Variants in OSBPL9 observed in about 807,000 individuals in gnomAD.
OSBPL9 encodes the protein oxysterol binding protein like 9.
In OSBPL9, 40 loss-of-function variants were observed where a neutral mutation model predicts 106.6. The ratio of observed to expected loss-of-function variants is 0.38; its 90% CI spans 0.29 to 0.49. The LOEUF is 0.49. OSBPL9 is among the 20% of genes least tolerant of loss of function. OSBPL9 has a pLI of 0.97. For missense variants in OSBPL9, 609 were observed against 887.2 expected, an observed-to-expected ratio of 0.69 and a Z score of 3.98; for synonymous variants, 269 against 295.4, an observed-to-expected ratio of 0.91 and a Z score of 0.92.
At chr1:51,734,262 G>A (rs563664572) in intron 4 of OSBPL9, among the ~76,000 whole-genome samples, 1 of 152,202 alleles carries the variant, frequency 6.6e-6, no homozygotes, top group East Asian at 1.9e-4. Context: ...TGAACAACTC[G>A]TTTTTCCCAA....
At chr1:51,759,592 C>T (rs1333507412) in intron 9 of OSBPL9, 2 of 152,136 alleles carry the variant, frequency 1.3e-5, no homozygotes, top group East Asian at 1.9e-4. Context: ...AAAGAACTTA[C>T]ATTTTTATTT....
At chr1:51,680,638 G>A (rs1165213698) in intron 3 of OSBPL9, among the ~76,000 whole-genome samples, 1 of 151,908 alleles carries the variant, frequency 6.6e-6, no homozygotes, top group African/African-American at 2.4e-5. Flanking sequence ...TCCAGCCTGG[G>A]TGACAGAGTG....
the OSBPL9 span, among the ~76,000 whole-genome samples, chr1:51,539,083 A>G: frequency 1.3e-5 from 2 of 152,142 alleles, no homozygotes; most frequent in South Asian, 2.1e-4. Flanking sequence ...ATGACTTCCA[A>G]ATTTACATCT....
rs58221259 is a variant in OSBPL9, at chr1:51,617,996, T to TTGTG, written c.111+800_111+803dup. ...ATGAATTGCTGTGAATCTTACGTGG[T>TTGTG]TGTGTGTGTGTGTGTGTGTGTGTGT... is the stretch of plus-strand genomic sequence containing the variant. On this transcript the variant is annotated intron_variant, in intron 1 of 23. Coordinates refer to ENST00000428468, the MANE Select transcript of OSBPL9 (RefSeq NM_024586.6). 7.8e-3 allele frequency among the ~76,000 whole-genome samples: 1,136 copies of TTGTG among 145,748 alleles called. 12 individuals are homozygous for TTGTG. The highest frequency in any genetic ancestry group is 0.018 in the African/African-American group (719 of 39,432).
chr1:51,681,139 T>A (rs1206864045), intron 3 of OSBPL9, among the ~76,000 whole-genome samples: 1 of 152,222 alleles, frequency 6.6e-6, no homozygotes, highest in Non-Finnish European at 1.5e-5. Context: ...TAATGTTTTT[T>A]CAGTTTGGAA....
chr1:51,687,553 G>T (rs1005305757), intron 3 of OSBPL9, among the ~76,000 whole-genome samples: 16 of 152,166 alleles, frequency 1.1e-4, no homozygotes, highest in Non-Finnish European at 1.8e-4. Context: ...GTGGAGATTG[G>T]CAAGGCTGGA....
intron 11 of OSBPL9, among the ~76,000 whole-genome samples, chr1:51,763,046 C>T (rs998539088): frequency 1.3e-5 from 2 of 152,144 alleles, no homozygotes; most frequent in Admixed American, 6.5e-5. Flanking sequence ...CACTCTGTTG[C>T]CCAGGCTGGA....
chr1:51,535,387 C>G, the OSBPL9 span, among the ~76,000 whole-genome samples: 1 of 152,078 alleles, frequency 6.6e-6, no homozygotes, highest in Admixed American at 6.5e-5. Context: ...CACCTTGGTT[C>G]TCTGATCAGT....
intron 3 of OSBPL9, among the ~76,000 whole-genome samples, chr1:51,700,861 CT>C (rs1194185325): frequency 6.6e-6 from 1 of 152,074 alleles, no homozygotes; most frequent in Non-Finnish European, 1.5e-5. Flanking sequence ...ATTAGTGGAT[CT>C]TGCCTGATGT....
intron 3 of OSBPL9, among the ~76,000 whole-genome samples, chr1:51,713,393 G>A (rs184856071): frequency 2.6e-5 from 4 of 151,908 alleles, no homozygotes; most frequent in South Asian, 4.1e-4. Flanking sequence ...CAGGTGATCC[G>A]CCCGCCTCAG....
the OSBPL9 span, among the ~76,000 whole-genome samples, chr1:51,546,661 C>T: frequency 6.6e-6 from 1 of 150,872 alleles, no homozygotes; most frequent in East Asian, 1.9e-4. Flanking sequence ...CGTGCCACTG[C>T]ACTCCAGCCT....
At chr1:51,592,446 G>T (rs1184421992) in intron 1 of OSBPL9, among the ~76,000 whole-genome samples, 2 of 152,130 alleles carry the variant, frequency 1.3e-5, no homozygotes, top group East Asian at 3.9e-4. Context: ...AAGATTTCTT[G>T]TAATAACAAT....
chr1:51,756,987 A>C (rs1670478640), intron 9 of OSBPL9: 1 of 152,198 alleles, frequency 6.6e-6, no homozygotes, highest in African/African-American at 2.4e-5. Flanking sequence ...GAAATAAAAG[A>C]GTTTGAAGGT....
intron 15 of OSBPL9, among the ~76,000 whole-genome samples, chr1:51,777,935 T>C (rs1675442082): frequency 6.6e-6 from 1 of 152,066 alleles, no homozygotes; most frequent in Non-Finnish European, 1.5e-5. Flanking sequence ...GAAGGATTGC[T>C]TGAAGCCAGG....
At position 51,646,705 on chromosome 1, in the gene OSBPL9, T is replaced by A. The variant is rs866093723; in HGVS notation, c.112-5286T>A. Reference sequence around the variant, plus strand: ...GGCGCCCACCACTCCCAGCTAATTTTTGTATTTTTAGTAGACATGGGGTTT... The same window carrying A: ...GGCGCCCACCACTCCCAGCTAATTTATGTATTTTTAGTAGACATGGGGTTT... On this transcript the variant is annotated intron_variant, in intron 1 of 23. Transcript: ENST00000428468. Among the ~76,000 whole-genome samples the A allele has an allele frequency of 3.9e-5, 6 of 152,278 alleles. 1 individual carries two copies. The Middle Eastern group carries it at 0.01, about 259-fold the overall frequency.
chr1:51,644,643 A>G (rs1646033129), intron 1 of OSBPL9, among the ~76,000 whole-genome samples: 1 of 152,034 alleles, frequency 6.6e-6, no homozygotes, highest in East Asian at 1.9e-4. Flanking sequence ...TGAGTTTTAA[A>G]TGCCTTTGAG....
chr1:51,597,299 T>C (rs1645304438), intron 1 of OSBPL9, among the ~76,000 whole-genome samples: 1 of 152,106 alleles, frequency 6.6e-6, no homozygotes, highest in Non-Finnish European at 1.5e-5. Flanking sequence ...AAGGTCACTT[T>C]AGCTGCTGTG....
rs570590585 is a variant in OSBPL9 at position 51,658,170 on chromosome 1, G to T, written c.162+6129G>T. Among the ~76,000 whole-genome samples the T allele has an allele frequency of 2.6e-5, 4 of 151,686 alleles. No homozygotes were observed. The South Asian group carries it at 8.3e-4, about 32-fold the overall frequency. On this transcript the variant is annotated intron_variant, in intron 2 of 23. Transcript: ENST00000428468. The stretch of plus-strand genomic sequence containing the variant: ...AACAAATACAGGGCATGTATGTAAT[G>T]AAATTCAGACTTGGATTCTGCCACA...
intron 2 of OSBPL9, among the ~76,000 whole-genome samples, chr1:51,662,078 C>T (rs755235902): frequency 1.4e-4 from 21 of 152,138 alleles, no homozygotes; most frequent in African/African-American, 4.8e-4. Flanking sequence ...GTCGTATGGT[C>T]ACCTTGTGTG....
Sources: gnomAD v4.1 joint callset for allele counts (sites outside exome capture counted in the v4.1 genomes callset) on GRCh38, gnomAD v4.1.1 for gene constraint, MANE v1.5 for transcripts, NCBI Gene and HGNC (gene_info 2026-07-23, HGNC 2026-07-21) for gene names.